Variants in GJC3 observed in about 807,000 individuals in gnomAD.
GJC3 encodes gap junction gamma-3 protein.
GJC3 carries 17 observed loss-of-function variants against 19.8 expected under a neutral mutation model. The ratio of observed to expected loss-of-function variants is 0.86; its 90% CI spans 0.59 to 1.29. GJC3 has a LOEUF of 1.29. Among genes scored for constraint, GJC3 ranks in the 50% most tolerant of loss-of-function variants. The pLI, the probability that GJC3 is intolerant of heterozygous loss-of-function variation, is 0.00. For synonymous variants in GJC3, 140 were observed against 136.5 expected (o/e 1.03, Z -0.18); for missense variants, 317 against 332.5 (o/e 0.95, Z 0.36).
rs946691886 is a variant in GJC3 at position 99,928,833 on chromosome 7, T to A, written c.781+7A>T. 1.2e-6 allele frequency: 2 copies of A among 1,613,400 alleles called. No individual in the cohort carries two copies. The highest frequency in any genetic ancestry group is 1.7e-5 in the Admixed American group (1 of 59,980). ...TCAGTGACAGGAAGAGAGCGTGTCC[T>A]TCTCACCTGCTTCTTGAAATTGCTC... On this transcript the variant is annotated splice_region_variant and intron_variant, in intron 1 of 1. Coordinates refer to ENST00000312891, the MANE Select transcript of GJC3 (RefSeq NM_181538.3).
intron 1 of GJC3, among the ~76,000 whole-genome samples, chr7:99,924,718 T>C (rs1420846684): frequency 5.3e-5 from 8 of 152,376 alleles, no homozygotes; most frequent in African/African-American, 1.9e-4. Context: ...ATTTTATACT[T>C]TGGGTATAAT....
In GJC3 at chr7:99,928,578, G is replaced by A. The variant is rs147342967; in HGVS notation, c.781+262C>T. ...AGAGACCTAAATGGAAGTTCAGGAG[G>A]GACAACGGACTAGCACTCTTGTCCT... On this transcript the variant is annotated intron_variant, in intron 1 of 1. Coordinates refer to ENST00000312891, the MANE Select transcript of GJC3 (RefSeq NM_181538.3). Among the ~76,000 whole-genome samples the A allele has an allele frequency of 1.7e-3, 253 of 152,296 alleles. 1 individual carries two copies. The highest frequency in any genetic ancestry group is 5.8e-3 in the African/African-American group (242 of 41,558).
chr7:99,925,469 G>T (rs1171633170), intron 1 of GJC3, among the ~76,000 whole-genome samples: 1 of 152,108 alleles, frequency 6.6e-6, no homozygotes, highest in East Asian at 1.9e-4. Context: ...AATCTTTATG[G>T]CTGTGAATTA....
At chr7:99,926,170 CA>C (rs200074138) in intron 1 of GJC3, among the ~76,000 whole-genome samples, 7 of 151,992 alleles carry the variant, frequency 4.6e-5, no homozygotes, top group African/African-American at 1.7e-4. Context: ...CCTGTCTCTA[CA>C]AAAAATACAA....
Position 99,928,944 on chromosome 7 carries a change from G to T in GJC3, c.677C>A (p.Ser226Tyr). Residue 226 changes from serine (S) to tyrosine (Y), a missense_variant, in exon 1 of 2, where the codon TCT (serine) becomes TAT (tyrosine). Transcript: ENST00000312891. ...GRWWRTWKHK[S>Y]SSSKYFLTSE... ...AGTTAGGAAGTATTTAGAAGAGGAA[G>T]ATTTGTGCTTCCAGGTCCTCCACCA... 1.2e-6 allele frequency: 2 copies of T among 1,614,180 alleles called. No individual in the cohort carries two copies. Among genetic ancestry groups the T allele is most frequent in the Non-Finnish European group, 1.7e-6 (2 of 1,180,024 alleles).
At chr7:99,929,855 C>T, upstream of GJC3, 1 of 599,318 alleles carries the variant, frequency 1.7e-6, no homozygotes, top group Non-Finnish European at 3.0e-6. Flanking sequence ...CTCTTCTGCC[C>T]TCCCCTTCTG....
intron 1 of GJC3, among the ~76,000 whole-genome samples, chr7:99,924,831 T>C (rs1819759012): frequency 1.3e-5 from 2 of 152,216 alleles, no homozygotes; most frequent in South Asian, 4.1e-4. Context: ...TCCTGTCATT[T>C]TGTGGGGAAG....
In GJC3 at chr7:99,929,301, C is replaced by T. The variant is rs773086051; in HGVS notation, c.320G>A (p.Gly107Glu). 7 of 1,614,200 alleles carry T rather than the reference C, an allele frequency of 4.3e-6. No homozygotes were observed. Among genetic ancestry groups the T allele is most frequent in the Non-Finnish European group, 5.9e-6 (7 of 1,180,032 alleles). The change falls in exon 1 of 2, where the codon GGA (glycine) becomes GAA (glutamate). Residue 107 changes from glycine to glutamate, a missense_variant. Gly to Glu is a moderately conservative substitution (Grantham distance 98, BLOSUM62 -2). Coordinates refer to ENST00000312891, the MANE Select transcript of GJC3 (RefSeq NM_181538.3). ...CAGGGTCTCCTCCTCCTTCCCCTTT[C>T]CTGATAATTCCCAGTGCCAGATCAC... The part of the protein sequence containing the change: ...YHVIWHWELS[G>E]KGKEEETLIQ...
chr7:99,928,711 G>A, intron 1 of GJC3, 129 bp downstream of exon 1: 1 of 832,604 alleles, frequency 1.2e-6, no homozygotes. Flanking sequence ...GAACACATCT[G>A]CCTAGAACCT....
chr7:99,924,212 G>T (rs369362453), intron 1 of GJC3, among the ~76,000 whole-genome samples: 1 of 152,136 alleles, frequency 6.6e-6, no homozygotes, highest in Non-Finnish European at 1.5e-5. Context: ...AGTATTTGAT[G>T]GGTTTCTCCC....
rs776882810 is a variant in GJC3, at chr7:99,929,448, G to C, written c.173C>G (p.Pro58Arg). The C allele has an allele frequency of 5.0e-6, 8 of 1,613,666 alleles. No individual in the cohort carries two copies. Among genetic ancestry groups the C allele is most frequent in the Non-Finnish European group, 5.9e-6 (7 of 1,179,614 alleles). Reference protein sequence around the residue: ...QSEFVCHTQQPGCKAACFDAF... With the variant: ...QSEFVCHTQQRGCKAACFDAF... Reference sequence around the variant, plus strand: ...ATCGAAGCAGGCAGCCTTGCAGCCCGGCTGCTGGGTGTGACACACGAATTC... The same window carrying C: ...ATCGAAGCAGGCAGCCTTGCAGCCCCGCTGCTGGGTGTGACACACGAATTC... Residue 58 changes from proline to arginine, a missense_variant, in exon 1 of 2, where the codon CCG becomes CGG. By Grantham distance (103) the Pro-to-Arg change is moderately radical. Coordinates refer to ENST00000312891, the MANE Select transcript of GJC3 (RefSeq NM_181538.3).
At chr7:99,925,563 T>A (rs1277376637) in intron 1 of GJC3, among the ~76,000 whole-genome samples, 2 of 152,196 alleles carry the variant, frequency 1.3e-5, no homozygotes, top group Non-Finnish European at 2.9e-5. Context: ...AATTTAAAAC[T>A]TTTGTGCATC....
chr7:99,928,708 T>G (rs1006984342), intron 1 of GJC3, 132 bp downstream of exon 1: 4 of 812,376 alleles, frequency 4.9e-6, no homozygotes, highest in Non-Finnish European at 8.4e-6. Context: ...TCAGAACACA[T>G]CTGCCTAGAA....
At chr7:99,930,296 G>A (rs773427073), upstream of GJC3, among the ~76,000 whole-genome samples, 2 of 152,246 alleles carry the variant, frequency 1.3e-5, no homozygotes, top group Non-Finnish European at 2.9e-5. Context: ...TACAAGCTGA[G>A]GAAGAAGAGA....
chr7:99,923,454 G>A lies in GJC3; in HGVS notation c.*91C>T. ...AGTTGTCGGTTATGCTGCTACATAT[G>A]TCACATGTATAGAAAATGGTGAATA... On this transcript the variant is annotated 3_prime_UTR_variant, in exon 2 of 2. Transcript: ENST00000312891. 1 of 777,986 alleles carries A rather than the reference G, an allele frequency of 1.3e-6. No homozygotes were observed. Among genetic ancestry groups the A allele is most frequent in the Non-Finnish European group, 2.4e-6 (1 of 417,714 alleles). The allele number at this position is 777,986 out of a possible 1,614,324, so 48.2% of individuals were successfully genotyped here.
At chr7:99,925,355 G>T (rs1000151093) in intron 1 of GJC3, among the ~76,000 whole-genome samples, 1 of 152,092 alleles carries the variant, frequency 6.6e-6, no homozygotes, top group Non-Finnish European at 1.5e-5. Context: ...AAAAGATAAA[G>T]TTTGACATTT....
intron 1 of GJC3, among the ~76,000 whole-genome samples, 198 bp downstream of exon 1, chr7:99,928,642 C>T (rs946609028): frequency 2.0e-5 from 3 of 152,142 alleles, no homozygotes; most frequent in Admixed American, 1.3e-4. Context: ...TGGGGATGGA[C>T]ATTGGGATAG....
chr7:99,927,363 G>A (rs555508427), intron 1 of GJC3, among the ~76,000 whole-genome samples: 1 of 152,284 alleles, frequency 6.6e-6, no homozygotes, highest in East Asian at 1.9e-4. Flanking sequence ...GTTTTAAAAG[G>A]GGGTGGTATA....
At chr7:99,928,345 GCA>G (rs1344985859) in intron 1 of GJC3, among the ~76,000 whole-genome samples, 1 of 152,180 alleles carries the variant, frequency 6.6e-6, no homozygotes, top group Admixed American at 6.5e-5. Context: ...CAGTGAAAAG[GCA>G]CAGTCAGGAA....
Sources: gnomAD v4.1 joint callset for allele counts (sites outside exome capture counted in the v4.1 genomes callset) on GRCh38, gnomAD v4.1.1 for gene constraint, MANE v1.5 for transcripts, NCBI Gene and HGNC (gene_info 2026-07-23, HGNC 2026-07-21) for gene names.